MACF1: variants seen among roughly 807,000 people sequenced by gnomAD.
MACF1 encodes the protein microtubule actin crosslinking factor 1.
Under a neutral mutation model 854.8 loss-of-function variants are expected in MACF1, and 193 were observed. The ratio of observed to expected loss-of-function variants is 0.23; its 90% confidence interval spans 0.20 to 0.25. The LOEUF (loss-of-function observed/expected upper bound fraction) is 0.25, where lower values mean the gene tolerates loss of function less well. MACF1 is among the 10% of genes least tolerant of loss of function. MACF1 has a pLI of 1.00. For synonymous variants in MACF1, 3,185 were observed against 3,226.7 expected (o/e 0.99, Z 0.44); for missense variants, 7,722 against 8,929.1 (o/e 0.86, Z 5.45).
At chr1:39,411,560 C>T in intron 58 of MACF1, 1 of 1,613,706 alleles carries the variant, frequency 6.2e-7, no homozygotes, top group Non-Finnish European at 8.5e-7. Context: ...GGTGAGGTGG[C>T]AAACAGAACT....
rs774854264 is a variant in MACF1, at chr1:39,340,854, G to A, written c.10482G>A (p.Leu3494=). The A allele has an allele frequency of 3.1e-6, 5 of 1,614,004 alleles. No individual in the cohort carries two copies. The East Asian group carries it at 6.7e-5, about 22-fold the overall frequency. Reference sequence around the variant, plus strand: ...AGCTAGAAGGCCGACTTCAAGATCTGAGAGCCTGGGTTGGCAATAAAAATC... The same window carrying A: ...AGCTAGAAGGCCGACTTCAAGATCTAAGAGCCTGGGTTGGCAATAAAAATC... ...HTQLEGRLQD[L]RAWVGNKNLI... is the part of the protein sequence containing the mutation. The change falls in exon 40 of 101, where the codon CTG becomes CTA. Residue 3494 remains leucine, a synonymous_variant. Coordinates refer to ENST00000564288, the MANE Select transcript of MACF1 (RefSeq NM_001394062.1).
At chr1:39,102,850 T>C in intron 2 of MACF1, 1 of 702,530 alleles carries the variant, frequency 1.4e-6, no homozygotes, top group Non-Finnish European at 2.6e-6. Flanking sequence ...TGGCTATAAA[T>C]TTAGACTGTT....
At chr1:39,138,638 A>G (rs148160896) in intron 2 of MACF1, among the ~76,000 whole-genome samples, 127 of 152,176 alleles carry the variant, frequency 8.3e-4, no homozygotes, top group African/African-American at 2.7e-3. Context: ...TCTCATTTCA[A>G]TAATGATATT....
intron 6 of MACF1, among the ~76,000 whole-genome samples, chr1:39,267,976 T>A (rs1435708544): frequency 6.6e-6 from 1 of 152,260 alleles, no homozygotes; most frequent in African/African-American, 2.4e-5. Flanking sequence ...GGTTATAATT[T>A]CATTAAAATA....
At position 39,316,392 on chromosome 1, in the gene MACF1, T is replaced by G. The variant is rs941251601; in HGVS notation, c.3451T>G (p.Leu1151Val). Reference protein sequence around the residue: ...YGLSTVYLNKLKTVDVIVRSI... With the variant: ...YGLSTVYLNKVKTVDVIVRSI... ...AGGAATGTGTATTTGTCCCCACAGG[T>G]TAAAGACAGTTGATGTTATAGTACG... Residue 1151 changes from leucine to valine, a missense_variant and splice_region_variant, in exon 28 of 101, where the codon TTA becomes GTA. Transcript: ENST00000564288. The G allele has an allele frequency of 1.6e-5, 26 of 1,609,042 alleles. No homozygotes were observed. Among genetic ancestry groups the G allele is most frequent in the Non-Finnish European group, 2.0e-5 (24 of 1,177,200 alleles).
intron 45 of MACF1, 126 bp downstream of exon 45, chr1:39,358,019 C>A: frequency 1.0e-6 from 1 of 999,670 alleles, no homozygotes; most frequent in Non-Finnish European, 1.4e-6. Context: ...ATACTTGGAC[C>A]ATGGGCAGAA....
intron 6 of MACF1, chr1:39,268,997 C>CGAT: frequency 1.6e-6 from 2 of 1,287,132 alleles, no homozygotes; most frequent in Non-Finnish European, 2.0e-6. Flanking sequence ...CACGGGTAGT[C>CGAT]GATCGGGGGA....
At chr1:39,309,812 G>C in intron 24 of MACF1, 116 bp downstream of exon 24, 2 of 1,130,288 alleles carry the variant, frequency 1.8e-6, no homozygotes, top group East Asian at 2.4e-5. Flanking sequence ...GTGGACTCAG[G>C]AATACCATTT....
chr1:39,219,034 G>C (rs1253490833), intron 1 of MACF1, among the ~76,000 whole-genome samples: 3 of 152,180 alleles, frequency 2.0e-5, no homozygotes, highest in African/African-American at 7.2e-5. Context: ...ACCCATCTCA[G>C]CCTCCCAAAG....
At chr1:39,213,806 G>A (rs968269096) in intron 1 of MACF1, among the ~76,000 whole-genome samples, 4 of 152,158 alleles carry the variant, frequency 2.6e-5, no homozygotes, top group Non-Finnish European at 4.4e-5. Context: ...CTTATAAGAG[G>A]GACAAACTGA....
intron 88 of MACF1, 140 bp from the exon 89 acceptor site, chr1:39,454,769 C>T: frequency 2.8e-6 from 2 of 718,288 alleles, no homozygotes; most frequent in East Asian, 2.8e-5. Context: ...CACTACACTC[C>T]AGTGTGGGTG....
Position 39,357,797 on chromosome 1 carries a change from C to T in MACF1, c.11847C>T (p.Asn3949=). The change falls in exon 45 of 101, where the codon AAC becomes AAT. Residue 3949 remains asparagine, a synonymous_variant. Coordinates refer to ENST00000564288, the MANE Select transcript of MACF1 (RefSeq NM_001394062.1). ...GACAGAAAGTCTTGGACATGGAAAACAGTTTTAAGGAAGGCAAAGAACCAT... is the reference window on the plus strand; with the variant it reads ...GACAGAAAGTCTTGGACATGGAAAATAGTTTTAAGGAAGGCAAAGAACCAT... ...ISGQKVLDME[N]SFKEGKEPSE... 1 of 1,614,062 alleles carries T rather than the reference C, an allele frequency of 6.2e-7. No individual in the cohort carries two copies. Among genetic ancestry groups the T allele is most frequent in the Non-Finnish European group, 8.5e-7 (1 of 1,179,998 alleles).
At chr1:39,325,498 A>G (rs917155098) in intron 35 of MACF1, among the ~76,000 whole-genome samples, 4 of 152,228 alleles carry the variant, frequency 2.6e-5, no homozygotes, top group Admixed American at 2.6e-4. Context: ...CAATATTTAA[A>G]AATGAAATAT....
chr1:39,124,218 G>T (rs931631412), intron 2 of MACF1, among the ~76,000 whole-genome samples: 3 of 152,018 alleles, frequency 2.0e-5, no homozygotes, highest in Admixed American at 1.3e-4. Flanking sequence ...TTCTGTGCCC[G>T]TTAAAGTTTG....
intron 5 of MACF1, among the ~76,000 whole-genome samples, chr1:39,256,777 A>G (rs1645101356): frequency 6.6e-6 from 1 of 151,926 alleles, no homozygotes; most frequent in South Asian, 2.1e-4. Flanking sequence ...TGCGGGAGGC[A>G]TGGCAGGTAT....
At chr1:39,143,914 A>G (rs1203396164) in intron 2 of MACF1, among the ~76,000 whole-genome samples, 2 of 151,504 alleles carry the variant, frequency 1.3e-5, no homozygotes, top group Non-Finnish European at 2.9e-5. Context: ...CAGCCTCTGG[A>G]GTAGCTGGGA....
rs1643649045 is a variant in MACF1 at position 39,424,147 on chromosome 1, G to A, written c.16269G>A (p.Glu5423=). 1 of 1,613,624 alleles carries A rather than the reference G, an allele frequency of 6.2e-7. No individual in the cohort carries two copies. Among genetic ancestry groups the A allele is most frequent in the Middle Eastern group, 1.7e-4 (1 of 6,060 alleles). ...GAGAGAAAATCACTGGACAGCTGGA[G>A]AGTCTTGAAAGTAGATGGACTGAAC... ...ADREKITGQL[E]SLESRWTELL... Residue 5423 remains glutamate (E), a synonymous_variant, in exon 61 of 101, where the codon GAG becomes GAA. Coordinates refer to ENST00000564288, the MANE Select transcript of MACF1 (RefSeq NM_001394062.1).
chr1:39,368,717 G>A (rs531364508), intron 50 of MACF1, among the ~76,000 whole-genome samples: 13 of 152,158 alleles, frequency 8.5e-5, no homozygotes, highest in Admixed American at 5.2e-4. Context: ...GGCCAGGCTG[G>A]TCTCGAACTC....
intron 43 of MACF1, among the ~76,000 whole-genome samples, chr1:39,351,696 C>T (rs944879103): frequency 8.2e-5 from 12 of 146,536 alleles, no homozygotes; most frequent in African/African-American, 2.8e-4. Context: ...GAGTGATTCT[C>T]GTGCCTCAGC....
Sources: gnomAD v4.1 joint callset for allele counts (sites outside exome capture counted in the v4.1 genomes callset) on GRCh38, gnomAD v4.1.1 for gene constraint, MANE v1.5 for transcripts, NCBI Gene and HGNC (gene_info 2026-07-23, HGNC 2026-07-21) for gene names.